The following BBS9 variants were observed in gnomAD, a reference collection of about 807,000 sequenced individuals.
BBS9 encodes protein PTHB1.
BBS9 carries 89 observed loss-of-function variants against 117.7 expected under a neutral mutation model. The observed-to-expected ratio is 0.76, with a 90% CI of 0.64 to 0.90. The LOEUF (loss-of-function observed/expected upper bound fraction) is 0.90, where lower values mean the gene tolerates loss of function less well. Ranked by LOEUF, BBS9 falls within the 40% of genes least tolerant of loss-of-function variation. BBS9 has a pLI of 0.00. For synonymous variants in BBS9, 379 were observed against 370.9 expected, an observed-to-expected ratio of 1.02 and a Z score of -0.25; for missense variants, 982 against 1,042.2, an observed-to-expected ratio of 0.94 and a Z score of 0.80.
At chr7:33,390,756 C>A in intron 19 of BBS9, 1 of 341,098 alleles carries the variant, frequency 2.9e-6, no homozygotes, top group Non-Finnish European at 4.2e-6. Context: ...TCCTTATCAT[C>A]TGCTCAGAAA....
intron 21 of BBS9, among the ~76,000 whole-genome samples, chr7:33,553,146 C>T (rs977688507): frequency 2.0e-5 from 3 of 152,216 alleles, no homozygotes; most frequent in Non-Finnish European, 2.9e-5. Flanking sequence ...TTAAAGATGG[C>T]TTTTCTGTAA....
intron 9 of BBS9, among the ~76,000 whole-genome samples, chr7:33,312,182 C>A (rs1471540891): frequency 3.3e-5 from 5 of 152,062 alleles, no homozygotes; most frequent in Non-Finnish European, 1.5e-5. Context: ...TGAAACCTTT[C>A]TTGGTTTCAC....
intron 19 of BBS9, among the ~76,000 whole-genome samples, chr7:33,445,253 T>G (rs1278092709): frequency 6.6e-6 from 1 of 152,224 alleles, no homozygotes; most frequent in Non-Finnish European, 1.5e-5. Flanking sequence ...TAGCGGAGAT[T>G]GAACTGTGCT....
At chr7:33,382,197 C>T (rs897104685) in intron 17 of BBS9, among the ~76,000 whole-genome samples, 2 of 152,100 alleles carry the variant, frequency 1.3e-5, no homozygotes, top group African/African-American at 2.4e-5. Context: ...TGTGGCAGCT[C>T]ATGTCTGTAG....
At chr7:33,536,704 C>T (rs1851476124) in intron 21 of BBS9, among the ~76,000 whole-genome samples, 1 of 138,852 alleles carries the variant, frequency 7.2e-6, no homozygotes, top group Admixed American at 7.1e-5. Flanking sequence ...CGCCTCCCCC[C>T]ACCCCACTTA....
chr7:33,146,502 C>A, intron 2 of BBS9, 138 bp downstream of exon 2: 2 of 684,396 alleles, frequency 2.9e-6, no homozygotes, highest in Admixed American at 4.1e-5. Context: ...GAGTACGAGA[C>A]CAGCCTGGCC....
chr7:33,292,323 G>A (rs1804228981), intron 9 of BBS9, among the ~76,000 whole-genome samples: 1 of 151,986 alleles, frequency 6.6e-6, no homozygotes, highest in South Asian at 2.1e-4. Context: ...TGCCTCCCAG[G>A]CTCAAGTGAT....
intron 19 of BBS9, among the ~76,000 whole-genome samples, chr7:33,407,396 G>A (rs906962925): frequency 3.9e-5 from 6 of 152,044 alleles, no homozygotes; most frequent in South Asian, 2.1e-4. Context: ...CCTGTAGCTC[G>A]GAGTAGTTTG....
chr7:33,563,432 G>T (rs1198493268), intron 21 of BBS9, among the ~76,000 whole-genome samples: 1 of 152,164 alleles, frequency 6.6e-6, no homozygotes, highest in Non-Finnish European at 1.5e-5. Flanking sequence ...GACACAGGAG[G>T]TAAAGTCTAT....
In BBS9 at chr7:33,267,161, A is replaced by G. The variant is rs533944116; in HGVS notation, c.702+2787A>G. 2.6e-5 allele frequency among the ~76,000 whole-genome samples: 4 copies of G among 152,246 alleles called. No individual in the cohort carries two copies. The South Asian group carries it at 8.3e-4, about 32-fold the overall frequency. ...GAACCCCTCCCCTTTACATTATGAAATGACCTTTATCCTTTTGTTTGATAA... is the reference window on the plus strand; with the variant it reads ...GAACCCCTCCCCTTTACATTATGAAGTGACCTTTATCCTTTTGTTTGATAA... On this transcript the variant is annotated intron_variant, in intron 7 of 22. Coordinates refer to ENST00000242067, the MANE Select transcript of BBS9 (RefSeq NM_198428.3).
At chr7:33,614,226 G>A (rs1865022648) in intron 21 of BBS9, among the ~76,000 whole-genome samples, 1 of 152,016 alleles carries the variant, frequency 6.6e-6, no homozygotes, top group South Asian at 2.1e-4. Context: ...AAACAAGAAA[G>A]TGAAAACTTG....
At chr7:33,455,866 GT>G (rs1838590178) in intron 19 of BBS9, among the ~76,000 whole-genome samples, 1 of 152,150 alleles carries the variant, frequency 6.6e-6, no homozygotes, top group Non-Finnish European at 1.5e-5. Context: ...CCAACATATT[GT>G]TACGATATTA....
chr7:33,516,810 A>T (rs992586295), intron 20 of BBS9, among the ~76,000 whole-genome samples: 2 of 152,244 alleles, frequency 1.3e-5, no homozygotes, highest in African/African-American at 4.8e-5. Flanking sequence ...ATTGCCTAAC[A>T]TAGGAAATTT....
chr7:33,508,184 G>A (rs1368311235), intron 20 of BBS9, among the ~76,000 whole-genome samples: 1 of 152,134 alleles, frequency 6.6e-6, no homozygotes, highest in Non-Finnish European at 1.5e-5. Flanking sequence ...CTATCTTCCA[G>A]TGCTCTCTAC....
At position 33,300,612 on chromosome 7, in the gene BBS9, G is replaced by GTT. The variant is rs374179445; in HGVS notation, c.1016+26669_1016+26670dup. Among the ~76,000 whole-genome samples, 117 of 136,048 alleles carry GTT rather than the reference G, an allele frequency of 8.6e-4. 1 individual carries two copies. Among genetic ancestry groups the GTT allele is most frequent in the African/African-American group, 2.7e-3 (102 of 37,858 alleles). The allele number at this position is 136,048 out of a possible 152,430, so 89.3% of individuals were successfully genotyped here. A position where few individuals can be genotyped will look rare whatever the true frequency, so the allele number is the denominator to read the frequency against. On this transcript the variant is annotated intron_variant, in intron 9 of 22. Coordinates refer to ENST00000242067, the MANE Select transcript of BBS9 (RefSeq NM_198428.3). ...ATTAACTTTGGATATGACTTTCCTT[G>GTT]TTTTTTTTTTTTTTCTTCTGTAAAA... is the stretch of plus-strand genomic sequence containing the variant.
intron 9 of BBS9, among the ~76,000 whole-genome samples, chr7:33,331,653 A>G (rs965674315): frequency 2.9e-5 from 4 of 139,746 alleles, no homozygotes; most frequent in Non-Finnish European, 6.3e-5. Flanking sequence ...AGTCCCTTTT[A>G]CAACTGCCAA....
intron 9 of BBS9, among the ~76,000 whole-genome samples, chr7:33,291,745 G>A (rs142238343): frequency 1.8e-4 from 28 of 152,280 alleles, no homozygotes; most frequent in South Asian, 6.2e-4. Flanking sequence ...GTGTTCTAAA[G>A]ATAAGCTAAC....
Position 33,388,088 on chromosome 7 carries a change from A to G in BBS9, c.2059A>G (p.Lys687Glu), listed in dbSNP as rs760800602. ...CCGGCTACTAGCAAGATTCAAAGATAAAACTCCTGCCCCTCTTCAACACCT... is the reference window on the plus strand; with the variant it reads ...CCGGCTACTAGCAAGATTCAAAGATGAAACTCCTGCCCCTCTTCAACACCT... ...QRRLLARFKD[K>E]TPAPLQHLDT... Residue 687 changes from lysine to glutamate, a missense_variant, in exon 19 of 23, where the codon AAA (lysine) becomes GAA (glutamate). Coordinates refer to ENST00000242067, the MANE Select transcript of BBS9 (RefSeq NM_198428.3). 17 of 1,614,052 alleles carry G rather than the reference A, an allele frequency of 1.1e-5. No individual in the cohort carries two copies. The highest frequency in any genetic ancestry group is 3.3e-5 in the Admixed American group (2 of 60,008).
chr7:33,489,263 G>A (rs934085254), intron 19 of BBS9, among the ~76,000 whole-genome samples: 4 of 149,916 alleles, frequency 2.7e-5, no homozygotes, highest in Middle Eastern at 3.2e-3. Flanking sequence ...TAAAGTGCTG[G>A]AATTACAGGT....
Sources: allele counts gnomAD v4.1 joint callset (sites outside exome capture counted in the v4.1 genomes callset), GRCh38; gene constraint gnomAD v4.1.1; transcripts MANE v1.5; gene names NCBI Gene and HGNC (gene_info 2026-07-23, HGNC 2026-07-21).